Variants in UMAD1 observed in about 807,000 individuals in gnomAD.
UMAD1 encodes the protein UBAP1-MVB12-associated (UMA) domain containing 1, also known as UBAP1-MVB12-associated (UMA)-domain containing protein 1.
Under a neutral mutation model 6.1 loss-of-function variants are expected in UMAD1, and 8 were observed. That is an observed-to-expected ratio of 1.30 (90% CI 0.76 to 2.35). The LOEUF is 2.35. UMAD1 is among the 30% of genes most tolerant of loss of function. UMAD1 has a pLI of 0.00. For missense variants in UMAD1, 130 were observed against 78.4 expected (o/e 1.66, Z -2.49); for synonymous variants, 56 against 31.4 (o/e 1.78, Z -2.61).
Position 7,673,279 on chromosome 7 carries a change from A to G in UMAD1, c.-63-30A>G, listed in dbSNP as rs534955148. ...GTAAGAGTTTTACAGTTGCATCTGA[A>G]TTTGACATTGTGTAATGTTTCTATT... On this transcript the variant is annotated intron_variant, in intron 1 of 3. Transcript: ENST00000682710. 4.4e-5 allele frequency: 50 copies of G among 1,128,938 alleles called. No individual in the cohort carries two copies. In the African/African-American group the frequency reaches 6.3e-4, roughly 14 times the overall value. 69.9% of individuals were successfully genotyped at this position (1,128,938 alleles called of 1,614,324 possible).
intron 3 of UMAD1, among the ~76,000 whole-genome samples, chr7:7,876,789 C>G (rs1784427666): frequency 6.6e-6 from 1 of 152,118 alleles, no homozygotes; most frequent in Admixed American, 6.5e-5. Flanking sequence ...ACCCTATAGT[C>G]TAGTTGGAGA....
chr7:7,824,066 A>C (rs7808754), intron 3 of UMAD1, among the ~76,000 whole-genome samples: 268 of 152,202 alleles, frequency 1.8e-3, no homozygotes, highest in African/African-American at 6.1e-3. Flanking sequence ...CATCAGCTGA[A>C]TGATTTTTAA....
Position 7,764,395 on chromosome 7 carries a change from A to G in UMAD1, c.83-37275A>G, listed in dbSNP as rs148268610. Among the ~76,000 whole-genome samples, 737 of 152,360 alleles carry G rather than the reference A, an allele frequency of 4.8e-3. 8 individuals are homozygous for G. The highest frequency in any genetic ancestry group is 0.017 in the African/African-American group (701 of 41,592). On this transcript the variant is annotated intron_variant, in intron 2 of 3. Transcript: ENST00000682710. ...TAAAAATAATTTTAAAAAATAAAAT[A>G]TCTTTGCTTCGGTTAAGTAGTAAGG...
chr7:7,813,990 AT>A lies in UMAD1; in HGVS notation c.156+12259del, dbSNP rs61611510. ...TCTAATTTCATATTGCTTTTTATTT[AT>A]TTTTTTTTTTTGAGACGGAGTCTCG... On this transcript the variant is annotated intron_variant, in intron 3 of 3. Coordinates refer to ENST00000682710, the MANE Select transcript of UMAD1 (RefSeq NM_001302348.2). Among the ~76,000 whole-genome samples, 71 of 147,996 alleles carry A rather than the reference AT, an allele frequency of 4.8e-4. 1 individual carries two copies. The highest frequency in any genetic ancestry group is 4.4e-4 in the Non-Finnish European group (29 of 66,568).
intron 2 of UMAD1, among the ~76,000 whole-genome samples, chr7:7,738,191 C>A (rs1781397814): frequency 6.6e-6 from 1 of 152,128 alleles, no homozygotes; most frequent in South Asian, 2.1e-4. Flanking sequence ...TGACCAACCA[C>A]TAGTGTAGGC....
At chr7:7,766,123 A>G (rs1781981379) in intron 2 of UMAD1, among the ~76,000 whole-genome samples, 1 of 152,236 alleles carries the variant, frequency 6.6e-6, no homozygotes, top group Non-Finnish European at 1.5e-5. Context: ...TAATGTTAAC[A>G]GTGATTGTGC....
In UMAD1 at chr7:7,847,102, AAAATATATATATAT is replaced by A. The variant is rs1341374896; in HGVS notation, c.157-30177_157-30164del. 1.1e-3 allele frequency among the ~76,000 whole-genome samples: 22 copies of A among 20,260 alleles called. 1 individual carries two copies. Among genetic ancestry groups the A allele is most frequent in the South Asian group, 2.0e-3 (1 of 508 alleles). 13.3% of individuals were successfully genotyped at this position (20,260 alleles called of 152,430 possible). On this transcript the variant is annotated intron_variant, in intron 3 of 3. Coordinates refer to ENST00000682710, the MANE Select transcript of UMAD1 (RefSeq NM_001302348.2). ...GACAGCAATGCAAAAAAAAAAAAAA[AAAATATATATATAT>A]ATATATATATATATATATATATATA...
At chr7:7,697,158 T>C (rs1222051766) in intron 2 of UMAD1, among the ~76,000 whole-genome samples, 1 of 152,188 alleles carries the variant, frequency 6.6e-6, no homozygotes, top group Admixed American at 6.5e-5. Context: ...TTTAAAGTCT[T>C]GATGATCATA....
At chr7:7,653,678 G>A (rs1785277855) in intron 1 of UMAD1, among the ~76,000 whole-genome samples, 4 of 152,366 alleles carry the variant, frequency 2.6e-5, no homozygotes, top group Middle Eastern at 3.4e-3. Context: ...GACGCTCCCA[G>A]ACCTAGGGGA....
chr7:7,869,507 T>A (rs1248390747), intron 3 of UMAD1, among the ~76,000 whole-genome samples: 5 of 152,228 alleles, frequency 3.3e-5, no homozygotes, highest in African/African-American at 9.6e-5. Flanking sequence ...CATGTTCTTT[T>A]AATAGGTTCT....
At chr7:7,736,609 G>A (rs540264975) in intron 2 of UMAD1, 6 of 152,298 alleles carry the variant, frequency 3.9e-5, no homozygotes, top group Admixed American at 3.9e-4. Context: ...TCATTTCACA[G>A]AACATGTTTT....
chr7:7,846,927 G>A (rs1783794881), intron 3 of UMAD1, among the ~76,000 whole-genome samples: 1 of 118,500 alleles, frequency 8.4e-6, no homozygotes, highest in African/African-American at 3.4e-5. Flanking sequence ...GAGGGGGTAG[G>A]GATAGCATTG....
At chr7:7,844,610 C>T (rs2115317903) in intron 3 of UMAD1, among the ~76,000 whole-genome samples, 1 of 152,252 alleles carries the variant, frequency 6.6e-6, no homozygotes, top group Middle Eastern at 3.4e-3. Flanking sequence ...ACATGATTAT[C>T]TGGATTCATT....
intron 2 of UMAD1, among the ~76,000 whole-genome samples, chr7:7,689,957 G>C (rs1056056475): frequency 3.3e-5 from 5 of 152,116 alleles, no homozygotes; most frequent in African/African-American, 1.2e-4. Context: ...ATATATAGGT[G>C]TTTTTACTGT....
chr7:7,867,754 G>A (rs549973022), intron 3 of UMAD1, among the ~76,000 whole-genome samples: 1 of 152,234 alleles, frequency 6.6e-6, no homozygotes, highest in South Asian at 2.1e-4. Context: ...TGGGAGTTAG[G>A]AAGGTGATAT....
intron 2 of UMAD1, among the ~76,000 whole-genome samples, chr7:7,765,857 C>T (rs10085782): frequency 0.21 from 31,218 of 152,100 alleles, 4,201 homozygotes; most frequent in African/African-American, 0.39. Flanking sequence ...GAATGTTCTA[C>T]TCAAAATTTT....
intron 2 of UMAD1, among the ~76,000 whole-genome samples, chr7:7,792,340 C>A (rs985718644): frequency 6.6e-6 from 1 of 152,204 alleles, no homozygotes; most frequent in African/African-American, 2.4e-5. Context: ...CCTGGGCAAG[C>A]CATGTCTTAA....
chr7:7,733,623 C>T (rs1407987522), intron 2 of UMAD1, among the ~76,000 whole-genome samples: 1 of 147,660 alleles, frequency 6.8e-6, no homozygotes, highest in East Asian at 2.0e-4. Context: ...AGAATTATCC[C>T]AGGCCAGTTT....
intron 2 of UMAD1, among the ~76,000 whole-genome samples, chr7:7,686,633 C>T (rs977141152): frequency 6.6e-6 from 1 of 152,180 alleles, no homozygotes; most frequent in African/African-American, 2.4e-5. Flanking sequence ...CCAGAACCAT[C>T]ATGCTGCAAA....
Sources: allele counts gnomAD v4.1 joint callset (sites outside exome capture counted in the v4.1 genomes callset), GRCh38; gene constraint gnomAD v4.1.1; transcripts MANE v1.5; gene names NCBI Gene and HGNC (gene_info 2026-07-23, HGNC 2026-07-21).